The following ZNF749 variants were observed in gnomAD, a reference collection of about 807,000 sequenced individuals.
The protein encoded by ZNF749 is zinc finger protein 749.
A neutral mutation model predicts 7.3 loss-of-function variants in ZNF749; 8 were observed. The ratio of observed to expected loss-of-function variants is 1.10; its 90% confidence interval spans 0.64 to 1.98. The LOEUF is 1.98. Among genes scored for constraint, ZNF749 ranks in the 30% most tolerant of loss-of-function variants. The probability of loss-of-function intolerance (pLI) is 0.00; values close to 1 mark genes in which losing one functional copy is unlikely to be tolerated. For synonymous variants in ZNF749, 310 were observed against 322.4 expected (o/e 0.96, Z 0.41); for missense variants, 898 against 932.4 (o/e 0.96, Z 0.48).
At chr19:57,435,693 G>T in intron 1 of ZNF749, 100 bp downstream of exon 1, 1 of 1,513,260 alleles carries the variant, frequency 6.6e-7, no homozygotes. Context: ...CTCTAAGAGA[G>T]GGGCGTTCTT....
At chr19:57,437,964 G>C (rs1427400839) in intron 1 of ZNF749, 2 of 396,614 alleles carry the variant, frequency 5.0e-6, no homozygotes, top group Non-Finnish European at 8.9e-6. Flanking sequence ...GAGCTGCTAA[G>C]AGGCAGCACT....
upstream of ZNF749, among the ~76,000 whole-genome samples, chr19:57,430,487 A>C (rs758053558): frequency 9.9e-5 from 15 of 152,238 alleles, no homozygotes; most frequent in Non-Finnish European, 2.1e-4. Flanking sequence ...GGTGTAAGTC[A>C]CATAACTCTG....
chr19:57,444,508 G>C lies in ZNF749; in HGVS notation c.1360G>C (p.Val454Leu). 6 of 1,613,990 alleles carry C rather than the reference G, an allele frequency of 3.7e-6. No individual in the cohort carries two copies. The highest frequency in any genetic ancestry group is 5.1e-6 in the Non-Finnish European group (6 of 1,179,894). Residue 454 changes from valine (V) to leucine (L), a missense_variant, in exon 3 of 3, where the codon GTT becomes CTT. Val to Leu is a conservative substitution (Grantham distance 32). Transcript: ENST00000334181. ...EKAFVRKSHL[V>L]QHQKIHTDAF... ...GGCCTTTGTTAGAAAGTCCCACCTAGTTCAGCACCAGAAAATCCACACTGA... is the reference window on the plus strand; with the variant it reads ...GGCCTTTGTTAGAAAGTCCCACCTACTTCAGCACCAGAAAATCCACACTGA...
rs1326783393 is a variant in ZNF749, at chr19:57,436,004, C to G, written c.15+411C>G. On this transcript the variant is annotated intron_variant, in intron 1 of 2. Transcript: ENST00000334181. The surrounding 1 kb of genome is among the most constrained non-coding windows in gnomAD (Gnocchi z 4.0). ...GGCAGGGGGACCGCTGAGGAGACCC[C>G]TTGAGTTATGGTAGGGCTGGGCCAG... Among the ~76,000 whole-genome samples the G allele has an allele frequency of 3.3e-5, 5 of 152,112 alleles. No individual in the cohort carries two copies. Among genetic ancestry groups the G allele is most frequent in the Non-Finnish European group, 5.9e-5 (4 of 68,000 alleles).
At chr19:57,430,637 C>A (rs1018490725), upstream of ZNF749, among the ~76,000 whole-genome samples, 1 of 152,098 alleles carries the variant, frequency 6.6e-6, no homozygotes, top group Admixed American at 6.5e-5. Context: ...ACATACTTGG[C>A]TCTTGAAAGC....
upstream of ZNF749, among the ~76,000 whole-genome samples, chr19:57,434,495 T>G (rs1248906849): frequency 2.0e-5 from 3 of 152,204 alleles, no homozygotes; most frequent in Non-Finnish European, 4.4e-5. Context: ...TGAACCCACC[T>G]GACCTGGAAG....
intron 1 of ZNF749, chr19:57,438,255 C>T (rs927365333): frequency 2.6e-6 from 1 of 390,820 alleles, no homozygotes; most frequent in Admixed American, 4.4e-5. Flanking sequence ...GACCCAGGCA[C>T]AAGTGTTTCT....
Position 57,444,421 on chromosome 19 carries a change from G to A in ZNF749, c.1273G>A (p.Val425Ile), listed in dbSNP as rs766025880. The stretch of plus-strand genomic sequence containing the variant: ...GAAAGCCTTTAGCCTCAAACATAAT[G>A]TTGTTCAGCATCTGAAAATTCATAC... ...CGKAFSLKHN[V>I]VQHLKIHTGE... Residue 425 changes from valine (V) to isoleucine (I), a missense_variant, in exon 3 of 3, where the codon GTT becomes ATT. Physicochemically the swap from Val to Ile is conservative, Grantham distance 29. Transcript: ENST00000334181. 1 of 1,613,964 alleles carries A rather than the reference G, an allele frequency of 6.2e-7. No homozygotes were observed. Among genetic ancestry groups the A allele is most frequent in the East Asian group, 2.2e-5 (1 of 44,846 alleles).
chr19:57,430,821 C>T (rs1177075761), upstream of ZNF749, among the ~76,000 whole-genome samples: 1 of 152,048 alleles, frequency 6.6e-6, no homozygotes, highest in African/African-American at 2.4e-5. Flanking sequence ...GTGGGCAGAT[C>T]ACGAGGTCAG....
At chr19:57,443,151 T>G (rs1335581568) in intron 2 of ZNF749, 140 bp from the exon 3 acceptor site, 2 of 702,476 alleles carry the variant, frequency 2.8e-6, no homozygotes, top group African/African-American at 1.8e-5. Flanking sequence ...ACACTGGGCC[T>G]TCCTCTCACT....
upstream of ZNF749, chr19:57,435,303 A>C (rs2088922589): frequency 1.7e-6 from 1 of 582,542 alleles, no homozygotes; most frequent in African/African-American, 1.9e-5. Context: ...ACGACTAATG[A>C]GGTCTCAATT....
Position 57,436,274 on chromosome 19 carries a change from C to T in ZNF749, c.15+681C>T, listed in dbSNP as rs1225263369. Among the ~76,000 whole-genome samples the T allele has an allele frequency of 1.3e-5, 2 of 152,012 alleles. No individual in the cohort carries two copies. The highest frequency in any genetic ancestry group is 2.4e-5 in the African/African-American group (1 of 41,366). The stretch of plus-strand genomic sequence containing the variant: ...GGGCGACATCACATGGGTAGGTGGA[C>T]GTAATTTCCAAAGGTGAGGGAAGGT... On this transcript the variant is annotated intron_variant, in intron 1 of 2. Transcript: ENST00000334181. This position sits in a 1 kb window ranked among gnomAD's most constrained non-coding sequence, Gnocchi z 4.0.
At chr19:57,438,361 A>G (rs1392333502) in intron 1 of ZNF749, 1 of 305,870 alleles carries the variant, frequency 3.3e-6, no homozygotes, top group Non-Finnish European at 5.9e-6. Flanking sequence ...CTTTCATCCT[A>G]CCCAATAAAT....
At chr19:57,432,374 G>A (rs2088903057), upstream of ZNF749, among the ~76,000 whole-genome samples, 7 of 150,400 alleles carry the variant, frequency 4.7e-5, no homozygotes, top group Admixed American at 4.6e-4. Context: ...TCAGGAGTTC[G>A]AAACCAGCCT....
In ZNF749 at chr19:57,444,642, G is replaced by C. The variant is rs756082151; in HGVS notation, c.1494G>C (p.Leu498=). The change falls in exon 3 of 3, where the codon CTG becomes CTC. Residue 498 remains leucine (L), a synonymous_variant. Coordinates refer to ENST00000334181, the MANE Select transcript of ZNF749 (RefSeq NM_001023561.4). ...CGKAFLTQAH[L]VGHQKIHTGE... is the part of the protein sequence containing the mutation. ...AGGCCTTCCTTACACAGGCTCATCT[G>C]GTTGGTCACCAGAAAATCCATACTG... 6.3e-7 allele frequency: 1 copy of C among 1,581,746 alleles called. No individual in the cohort carries two copies. Among genetic ancestry groups the C allele is most frequent in the African/African-American group, 1.5e-5 (1 of 65,420 alleles).
Position 57,439,025 on chromosome 19 carries a change from C to G in ZNF749, c.16-2860C>G, listed in dbSNP as rs1427482354. 1.3e-5 allele frequency among the ~76,000 whole-genome samples: 2 copies of G among 152,104 alleles called. No individual in the cohort carries two copies. The highest frequency in any genetic ancestry group is 1.5e-5 in the Non-Finnish European group (1 of 68,024). On this transcript the variant is annotated intron_variant, in intron 1 of 2. Transcript: ENST00000334181. The surrounding 1 kb of genome is among the most constrained non-coding windows in gnomAD (Gnocchi z 4.3). ...TGCGGGATCGGCATGGAATGGCAGTCTAAGGTTCTGGGCCTTTCATCTGAG... is the reference window on the plus strand; with the variant it reads ...TGCGGGATCGGCATGGAATGGCAGTGTAAGGTTCTGGGCCTTTCATCTGAG...
chr19:57,440,199 G>A (rs1022737874), intron 1 of ZNF749, among the ~76,000 whole-genome samples: 1 of 152,088 alleles, frequency 6.6e-6, no homozygotes, highest in Non-Finnish European at 1.5e-5. Flanking sequence ...GCTTGGACCT[G>A]GGTAGTTTCA....
At chr19:57,433,318 C>T (rs73065212), upstream of ZNF749, among the ~76,000 whole-genome samples, 3,258 of 152,250 alleles carry the variant, frequency 0.021, 49 homozygotes, top group Non-Finnish European at 0.037. Context: ...TGTTGTCTGG[C>T]TTCCTGGCCT....
chr19:57,434,785 T>C (rs971183418), upstream of ZNF749, among the ~76,000 whole-genome samples: 1 of 152,166 alleles, frequency 6.6e-6, no homozygotes, highest in African/African-American at 2.4e-5. Context: ...GTGTGGGTCT[T>C]TTCTTTCTTG....
Sources: allele counts gnomAD v4.1 joint callset (sites outside exome capture counted in the v4.1 genomes callset), GRCh38; gene constraint gnomAD v4.1.1; non-coding constraint Gnocchi (gnomAD v3.1); transcripts MANE v1.5; gene names NCBI Gene and HGNC (gene_info 2026-07-23, HGNC 2026-07-21).